ABHD2: variants seen among roughly 807,000 people sequenced by gnomAD.
ABHD2 encodes monoacylglycerol lipase ABHD2.
A neutral mutation model predicts 48.1 loss-of-function variants in ABHD2; 20 were observed. The ratio of observed to expected loss-of-function variants is 0.42; its 90% CI spans 0.29 to 0.60. The LOEUF (loss-of-function observed/expected upper bound fraction) is 0.60. Among genes scored for constraint, ABHD2 ranks in the 20% least tolerant of loss-of-function variants. ABHD2 has a pLI of 0.24. For missense variants in ABHD2, 405 were observed against 550.9 expected, an observed-to-expected ratio of 0.74 and a Z score of 2.65; for synonymous variants, 209 against 214.2, an observed-to-expected ratio of 0.98 and a Z score of 0.21.
At chr15:89,070,391 G>A in the ABHD2 span, among the ~76,000 whole-genome samples, 12 of 152,308 alleles carry the variant, frequency 7.9e-5, no homozygotes, top group East Asian at 3.9e-4. Flanking sequence ...ACAAGCTACC[G>A]TAGTATCCCT....
the ABHD2 span, among the ~76,000 whole-genome samples, chr15:89,081,433 A>G: frequency 6.6e-6 from 1 of 152,278 alleles, no homozygotes; most frequent in South Asian, 2.1e-4. Context: ...GCCATTATGA[A>G]TAATGCTGCT....
chr15:89,086,268 C>T (rs1317510351), upstream of ABHD2, among the ~76,000 whole-genome samples: 1 of 152,178 alleles, frequency 6.6e-6, no homozygotes, highest in Non-Finnish European at 1.5e-5. Context: ...CTCAGGTGAT[C>T]CTCCTGCCTT....
Position 89,092,227 on chromosome 15 carries a change from G to A in ABHD2, c.-107+3664G>A, listed in dbSNP as rs926799487. On this transcript the variant is annotated intron_variant, in intron 1 of 10. Coordinates refer to ENST00000352732, the MANE Select transcript of ABHD2 (RefSeq NM_152924.5). The surrounding 1 kb of genome is among the most constrained non-coding windows in gnomAD (Gnocchi z 4.4). Reference sequence around the variant, plus strand: ...TTGGGTGAGGGGCTTGTTACACACCGACTCATTGTCTGATCTTTCACAATA... The same window carrying A: ...TTGGGTGAGGGGCTTGTTACACACCAACTCATTGTCTGATCTTTCACAATA... Among the ~76,000 whole-genome samples the A allele has an allele frequency of 4.6e-5, 7 of 152,164 alleles. No individual in the cohort carries two copies. Among genetic ancestry groups the A allele is most frequent in the African/African-American group, 7.2e-5 (3 of 41,424 alleles).
the ABHD2 span, among the ~76,000 whole-genome samples, chr15:89,051,094 G>T: frequency 1.3e-5 from 2 of 152,128 alleles, no homozygotes; most frequent in Admixed American, 6.6e-5. Flanking sequence ...TTAGCTGGGC[G>T]TGGTGGTGCG....
Position 89,114,692 on chromosome 15 carries a change from AG to A in ABHD2, c.-7+871del, listed in dbSNP as rs1386964384. On this transcript the variant is annotated intron_variant, in intron 2 of 10. Coordinates refer to ENST00000352732, the MANE Select transcript of ABHD2 (RefSeq NM_152924.5). The surrounding 1 kb of genome is among the most constrained non-coding windows in gnomAD (Gnocchi z 4.2). ...GAGACAGGATTTCACCATGTTGGCC[AG>A]GGCTGGTCTCGAACTCCTGAGCTCA... Among the ~76,000 whole-genome samples, 2 of 152,064 alleles carry A rather than the reference AG, an allele frequency of 1.3e-5. No homozygotes were observed. The highest frequency in any genetic ancestry group is 2.9e-5 in the Non-Finnish European group (2 of 68,002).
the ABHD2 span, among the ~76,000 whole-genome samples, chr15:89,065,226 T>C: frequency 6.6e-6 from 1 of 152,120 alleles, no homozygotes; most frequent in African/African-American, 2.4e-5. Context: ...TCCTTCCTAC[T>C]AGGTTGTTAT....
chr15:89,161,095 C>G (rs962198165), intron 5 of ABHD2, among the ~76,000 whole-genome samples: 7 of 152,068 alleles, frequency 4.6e-5, no homozygotes, highest in Non-Finnish European at 8.8e-5. Flanking sequence ...ACTAGAATTT[C>G]CCATGGGAGC....
chr15:89,122,048 T>G (rs952634594), intron 3 of ABHD2, among the ~76,000 whole-genome samples: 2 of 152,196 alleles, frequency 1.3e-5, no homozygotes, highest in African/African-American at 4.8e-5. Flanking sequence ...CAGTCTGGTC[T>G]CAAACTCCTG....
At chr15:89,064,104 A>C in the ABHD2 span, among the ~76,000 whole-genome samples, 1 of 151,964 alleles carries the variant, frequency 6.6e-6, no homozygotes, top group Non-Finnish European at 1.5e-5. Context: ...AGAATCATAC[A>C]GTATTTGCCC....
the ABHD2 span, among the ~76,000 whole-genome samples, chr15:89,050,257 A>G: frequency 6.6e-6 from 1 of 152,176 alleles, no homozygotes; most frequent in Non-Finnish European, 1.5e-5. Flanking sequence ...GAAGAGTGTC[A>G]TGGGGCGGGG....
Position 89,091,702 on chromosome 15 carries a change from G to A in ABHD2, c.-107+3139G>A, listed in dbSNP as rs571521192. Among the ~76,000 whole-genome samples the A allele has an allele frequency of 2.6e-5, 4 of 152,292 alleles. No individual in the cohort carries two copies. Among genetic ancestry groups the A allele is most frequent in the African/African-American group, 9.6e-5 (4 of 41,544 alleles). On this transcript the variant is annotated intron_variant, in intron 1 of 10. Transcript: ENST00000352732. The surrounding 1 kb of genome is among the most constrained non-coding windows in gnomAD (Gnocchi z 5.5). ...TGGCTCTTTTAAAAGCCCCAGGAGA[G>A]AGACATTTCCAATATAATTGAATTT...
rs969428100 is a variant in ABHD2 at position 89,106,787 on chromosome 15, C to G, written c.-106-6938C>G. Among the ~76,000 whole-genome samples the G allele has an allele frequency of 6.6e-6, 1 of 152,134 alleles. No homozygotes were observed. Among genetic ancestry groups the G allele is most frequent in the Non-Finnish European group, 1.5e-5 (1 of 68,038 alleles). On this transcript the variant is annotated intron_variant, in intron 1 of 10. Coordinates refer to ENST00000352732, the MANE Select transcript of ABHD2 (RefSeq NM_152924.5). The surrounding 1 kb of genome is among the most constrained non-coding windows in gnomAD (Gnocchi z 4.2). ...CCACTTTTATCTGGTGTAGCAAGTTCAATAGTGACCCTCCAAAATTTATGT... is the reference window on the plus strand; with the variant it reads ...CCACTTTTATCTGGTGTAGCAAGTTGAATAGTGACCCTCCAAAATTTATGT...
At position 89,182,245 on chromosome 15, in the gene ABHD2, G is replaced by T. The variant is rs1417045918; in HGVS notation, c.723-3179G>T. On this transcript the variant is annotated intron_variant, in intron 6 of 10. Transcript: ENST00000352732. This position sits in a 1 kb window ranked among gnomAD's most constrained non-coding sequence, Gnocchi z 4.8. ...CTTTCAGAAAGCATCTTTCCTTTTG[G>T]AGTCATCCTGGTTCTTTCTGAAGTT... 6.6e-6 allele frequency among the ~76,000 whole-genome samples: 1 copy of T among 152,078 alleles called. No individual in the cohort carries two copies. The highest frequency in any genetic ancestry group is 1.5e-5 in the Non-Finnish European group (1 of 68,006).
In ABHD2 at chr15:89,164,515, G is replaced by A. The variant is rs574801394; in HGVS notation, c.538+8981G>A. 7.9e-5 allele frequency among the ~76,000 whole-genome samples: 12 copies of A among 152,206 alleles called. No individual in the cohort carries two copies. The highest frequency in any genetic ancestry group is 6.5e-4 in the Admixed American group (10 of 15,296). On this transcript the variant is annotated intron_variant, in intron 5 of 10. Coordinates refer to ENST00000352732, the MANE Select transcript of ABHD2 (RefSeq NM_152924.5). This position sits in a 1 kb window ranked among gnomAD's most constrained non-coding sequence, Gnocchi z 5.0. Reference sequence around the variant, plus strand: ...GAAATTTGGCAATAAGTCCCAGCATGGTGGCTCACACCTGTAATCCCAGCA... The same window carrying A: ...GAAATTTGGCAATAAGTCCCAGCATAGTGGCTCACACCTGTAATCCCAGCA...
rs2050496809 is a variant in ABHD2 at position 89,146,611 on chromosome 15, G to C, written c.195-5066G>C. On this transcript the variant is annotated intron_variant, in intron 3 of 10. Coordinates refer to ENST00000352732, the MANE Select transcript of ABHD2 (RefSeq NM_152924.5). The surrounding 1 kb of genome is among the most constrained non-coding windows in gnomAD (Gnocchi z 4.2). ...ACAACATTGGCCACAATACCATAAG[G>C]ATTAGTAAAGAAGTAGAAGAGACTG... is the stretch of plus-strand genomic sequence containing the variant. Among the ~76,000 whole-genome samples the C allele has an allele frequency of 6.6e-6, 1 of 152,102 alleles. No homozygotes were observed. Among genetic ancestry groups the C allele is most frequent in the Non-Finnish European group, 1.5e-5 (1 of 68,020 alleles).
chr15:89,123,098 T>C (rs1265242366), intron 3 of ABHD2, among the ~76,000 whole-genome samples: 2 of 152,208 alleles, frequency 1.3e-5, no homozygotes, highest in East Asian at 1.9e-4. Context: ...CTCTGTGGAT[T>C]TGAGAGACAC....
In ABHD2 at chr15:89,137,077, T is replaced by G. The variant is rs1293540521; in HGVS notation, c.195-14600T>G. Reference sequence around the variant, plus strand: ...GTGCCTTCTCCTAAAGTTAGGTCACTAATCTTTGACTGGCTGTTTGCAGGA... The same window carrying G: ...GTGCCTTCTCCTAAAGTTAGGTCACGAATCTTTGACTGGCTGTTTGCAGGA... On this transcript the variant is annotated intron_variant, in intron 3 of 10. Transcript: ENST00000352732. This position sits in a 1 kb window ranked among gnomAD's most constrained non-coding sequence, Gnocchi z 4.8. Among the ~76,000 whole-genome samples the G allele has an allele frequency of 6.6e-6, 1 of 152,250 alleles. No homozygotes were observed. The highest frequency in any genetic ancestry group is 2.4e-5 in the African/African-American group (1 of 41,472).
chr15:89,126,268 C>T (rs1040285488), intron 3 of ABHD2, among the ~76,000 whole-genome samples: 1 of 152,158 alleles, frequency 6.6e-6, no homozygotes, highest in African/African-American at 2.4e-5. Context: ...TCTGTGTCAC[C>T]CCTTCCCAGA....
chr15:89,055,155 G>A, the ABHD2 span, among the ~76,000 whole-genome samples: 538 of 152,170 alleles, frequency 3.5e-3, 5 homozygotes, highest in African/African-American at 0.013. Flanking sequence ...CCATGATTGC[G>A]CCACTGTACT....
Sources: allele counts gnomAD v4.1 joint callset (sites outside exome capture counted in the v4.1 genomes callset), GRCh38; gene constraint gnomAD v4.1.1; non-coding constraint Gnocchi (gnomAD v3.1); transcripts MANE v1.5; gene names NCBI Gene and HGNC (gene_info 2026-07-23, HGNC 2026-07-21).